Variants in MARK4 observed in about 807,000 individuals in gnomAD.
The protein encoded by MARK4 is MAP/microtubule affinity-regulating kinase 4.
MARK4 carries 19 observed loss-of-function variants against 81.5 expected under a neutral mutation model. The observed-to-expected ratio is 0.23, with a 90% CI of 0.16 to 0.34. The LOEUF (loss-of-function observed/expected upper bound fraction) is 0.34. Ranked by LOEUF, MARK4 falls within the 10% of genes least tolerant of loss-of-function variation. The pLI, the probability that MARK4 is intolerant of heterozygous loss-of-function variation, is 1.00. For missense variants in MARK4, 772 were observed against 1,058.8 expected (o/e 0.73, Z 3.76); for synonymous variants, 436 against 439.0 (o/e 0.99, Z 0.08).
At position 45,302,769 on chromosome 19, in the gene MARK4, G is replaced by A. The variant is rs1001205460; in HGVS notation, c.*59G>A. 8 of 1,527,554 alleles carry A rather than the reference G, an allele frequency of 5.2e-6. No homozygotes were observed. In the African/African-American group the frequency reaches 1.1e-4, roughly 21 times the overall value. The allele number at this position is 1,527,554 out of a possible 1,614,324, so 94.6% of individuals were successfully genotyped here. ...TCCCTTGTCGCCTTCACTTCTACAG[G>A]AGGGGAAGGGGCCAGGGAGGGGATT... On this transcript the variant is annotated 3_prime_UTR_variant, in exon 17 of 17. Transcript: ENST00000262891. This position sits in a 1 kb window ranked among gnomAD's most constrained non-coding sequence, Gnocchi z 4.9.
intron 16 of MARK4, among the ~76,000 whole-genome samples, chr19:45,300,810 G>A (rs1970959803): frequency 6.6e-6 from 1 of 152,104 alleles, no homozygotes; most frequent in Non-Finnish European, 1.5e-5. Context: ...TGCAGCCAGA[G>A]AGGAGAAGTA....
chr19:45,278,389 G>T lies in MARK4; in HGVS notation c.907-127G>T, dbSNP rs540454126. 1.2e-4 allele frequency: 96 copies of T among 821,030 alleles called. No individual in the cohort carries two copies. In the African/African-American group the frequency reaches 1.4e-3, roughly 12 times the overall value. The allele number at this position is 821,030 out of a possible 1,614,324, so 50.9% of individuals were successfully genotyped here. A position where few individuals can be genotyped will look rare whatever the true frequency, so the allele number is the denominator to read the frequency against. On this transcript the variant is annotated intron_variant, in intron 9 of 16. Coordinates refer to ENST00000262891, the MANE Select transcript of MARK4 (RefSeq NM_001199867.2). ...TGGGGGAGAGAGAGGCCCAGGAGGC[G>T]CTATCTCTTAGGAAGCCCGCAATTC...
intron 13 of MARK4, among the ~76,000 whole-genome samples, chr19:45,291,604 A>G (rs1318157513): frequency 6.6e-6 from 1 of 152,146 alleles, no homozygotes; most frequent in Non-Finnish European, 1.5e-5. Flanking sequence ...AACACGGTGA[A>G]ACCCCATCTC....
At chr19:45,292,211 G>C (rs531433172) in intron 13 of MARK4, among the ~76,000 whole-genome samples, 2 of 152,232 alleles carry the variant, frequency 1.3e-5, no homozygotes, top group African/African-American at 4.8e-5. Context: ...GCTGAGGTGG[G>C]AGGATTGCTT....
chr19:45,280,562 C>T lies in MARK4; in HGVS notation c.1117-13C>T, dbSNP rs939017354. ...TGGGGTGCAGAAGAGCCTCATCTGT[C>T]ATCCTCTCGCAGGAGGGTGGGGACC... On this transcript the variant is annotated splice_polypyrimidine_tract_variant and intron_variant, in intron 11 of 16. Coordinates refer to ENST00000262891, the MANE Select transcript of MARK4 (RefSeq NM_001199867.2). 1 of 1,613,730 alleles carries T rather than the reference C, an allele frequency of 6.2e-7. No individual in the cohort carries two copies. The highest frequency in any genetic ancestry group is 8.5e-7 in the Non-Finnish European group (1 of 1,179,826).
At chr19:45,278,236 C>T (rs1599790876) in intron 9 of MARK4, among the ~76,000 whole-genome samples, 194 bp downstream of exon 9, 2 of 152,098 alleles carry the variant, frequency 1.3e-5, no homozygotes, top group Admixed American at 1.3e-4. Context: ...GCCACCCCCC[C>T]GACAGGCTCA....
intron 7 of MARK4, among the ~76,000 whole-genome samples, chr19:45,270,766 A>G (rs1326490194): frequency 6.6e-6 from 1 of 151,354 alleles, no homozygotes; most frequent in Non-Finnish European, 1.5e-5. Context: ...TGCCCGGCTA[A>G]TTTTTATCTT....
intron 12 of MARK4, 78 bp from the exon 13 acceptor site, chr19:45,287,369 T>C: frequency 9.7e-7 from 1 of 1,031,440 alleles, no homozygotes; most frequent in South Asian, 2.5e-5. Context: ...TGAGGAATTC[T>C]CAGGTTCCAA....
At chr19:45,286,303 C>T (rs1162920992) in intron 12 of MARK4, among the ~76,000 whole-genome samples, 1 of 151,970 alleles carries the variant, frequency 6.6e-6, no homozygotes, top group Non-Finnish European at 1.5e-5. Context: ...ATCCACCCGC[C>T]TTAGCCTCCC....
intron 13 of MARK4, chr19:45,288,272 G>C (rs1258869597): frequency 6.6e-6 from 1 of 152,344 alleles, no homozygotes; most frequent in Non-Finnish European, 1.5e-5. Context: ...AAAAAATCAG[G>C]CCAGGCACAG....
intron 14 of MARK4, 48 bp downstream of exon 14, chr19:45,294,500 G>A (rs1269927053): frequency 6.6e-7 from 1 of 1,520,852 alleles, no homozygotes; most frequent in African/African-American, 1.4e-5. Context: ...TAGGGGGTAG[G>A]TGAACAGGAC....
intron 13 of MARK4, among the ~76,000 whole-genome samples, chr19:45,291,092 G>A (rs948445119): frequency 3.3e-5 from 5 of 152,154 alleles, no homozygotes; most frequent in South Asian, 4.1e-4. Flanking sequence ...CCCCAGCCCC[G>A]AGACCTGGAG....
In MARK4 at chr19:45,304,702, G is replaced by T. The variant is rs895978262; in HGVS notation, c.*1992G>T. The T allele has an allele frequency of 2.6e-5, 4 of 152,338 alleles. No homozygotes were observed. Among genetic ancestry groups the T allele is most frequent in the Non-Finnish European group, 5.9e-5 (4 of 68,176 alleles). 9.4% of individuals were successfully genotyped at this position (152,338 alleles called of 1,614,324 possible). On this transcript the variant is annotated 3_prime_UTR_variant, in exon 17 of 17. Coordinates refer to ENST00000262891, the MANE Select transcript of MARK4 (RefSeq NM_001199867.2). ...GGAGGCAGATGTGTCCTCAGGCAGC[G>T]ACTGGGCAGGGCTGGTATAGGGGAG...
intron 13 of MARK4, among the ~76,000 whole-genome samples, chr19:45,290,589 G>A (rs1970808206): frequency 6.6e-6 from 1 of 152,236 alleles, no homozygotes; most frequent in African/African-American, 2.4e-5. Flanking sequence ...TTGGCCAACG[G>A]TATCTGGCTG....
chr19:45,296,649 G>A (rs1225754965), intron 14 of MARK4, among the ~76,000 whole-genome samples: 2 of 152,256 alleles, frequency 1.3e-5, no homozygotes, highest in Non-Finnish European at 2.9e-5. Flanking sequence ...TGGTTACCAA[G>A]AACGAAACAG....
At chr19:45,264,188 G>C (rs1176581010) in intron 4 of MARK4, among the ~76,000 whole-genome samples, 1 of 152,112 alleles carries the variant, frequency 6.6e-6, no homozygotes. Flanking sequence ...TCATGGAGCT[G>C]ACATTCTTGT....
intron 13 of MARK4, 122 bp downstream of exon 13, chr19:45,287,786 C>A (rs1038083822): frequency 8.0e-6 from 9 of 1,131,808 alleles, no homozygotes; most frequent in Non-Finnish European, 9.1e-6. Context: ...TCTACCCATT[C>A]ATTCATTCAA....
At chr19:45,283,356 C>T (rs898613753) in intron 12 of MARK4, among the ~76,000 whole-genome samples, 1 of 144,254 alleles carries the variant, frequency 6.9e-6, no homozygotes, top group Admixed American at 7.4e-5. Flanking sequence ...TTGCAGTAAG[C>T]TGAGATCGCG....
intron 8 of MARK4, among the ~76,000 whole-genome samples, chr19:45,272,801 T>C (rs1970547055): frequency 6.6e-6 from 1 of 152,036 alleles, no homozygotes; most frequent in Admixed American, 6.6e-5. Flanking sequence ...GGCAGGAGAA[T>C]CGCTTGAACC....
Sources: gnomAD v4.1 joint callset for allele counts (sites outside exome capture counted in the v4.1 genomes callset) on GRCh38, gnomAD v4.1.1 for gene constraint, Gnocchi (gnomAD v3.1) non-coding constraint, MANE v1.5 for transcripts, NCBI Gene and HGNC (gene_info 2026-07-23, HGNC 2026-07-21) for gene names.